HAO1: variants seen among roughly 807,000 people sequenced by gnomAD.
HAO1 encodes the protein hydroxyacid oxidase 1, also known as 2-Hydroxyacid oxidase 1.
A neutral mutation model predicts 39.7 loss-of-function variants in HAO1; 34 were observed. The ratio of observed to expected loss-of-function variants is 0.86; its 90% CI spans 0.65 to 1.14. HAO1 has a LOEUF of 1.14. Among genes scored for constraint, HAO1 ranks in the 50% most tolerant of loss-of-function variants. The pLI, the probability that HAO1 is intolerant of heterozygous loss-of-function variation, is 0.00. For missense variants in HAO1, 479 were observed against 464.5 expected, an observed-to-expected ratio of 1.03 and a Z score of -0.29; for synonymous variants, 172 against 173.2, an observed-to-expected ratio of 0.99 and a Z score of 0.05.
At position 7,914,433 on chromosome 20, in the gene HAO1, G is replaced by A; in HGVS notation, c.290-14C>T. 2 of 1,611,218 alleles carry A rather than the reference G, an allele frequency of 1.2e-6. No homozygotes were observed. Among genetic ancestry groups the A allele is most frequent in the South Asian group, 1.1e-5 (1 of 90,986 alleles). On this transcript the variant is annotated splice_polypyrimidine_tract_variant and intron_variant, in intron 2 of 7. Transcript: ENST00000378789. ...GGGACTGACAGGCTGAGAAAGAAAG[G>A]GGATGATCAAGATGGGCCTGGCATT... is the stretch of plus-strand genomic sequence containing the variant.
chr20:7,889,887 A>G (rs2050166064), intron 5 of HAO1, among the ~76,000 whole-genome samples: 2 of 152,154 alleles, frequency 1.3e-5, no homozygotes, highest in African/African-American at 4.8e-5. Flanking sequence ...GAAAGGTGAG[A>G]CAAGACTCCC....
intron 3 of HAO1, among the ~76,000 whole-genome samples, chr20:7,906,684 T>G (rs2050249877): frequency 6.6e-6 from 1 of 152,212 alleles, no homozygotes; most frequent in Non-Finnish European, 1.5e-5. Flanking sequence ...CAATGCAAAT[T>G]AATCACAATT....
rs370135882 is a variant in HAO1, at chr20:7,885,335, A to C, written c.1042+186T>G. The C allele has an allele frequency of 1.2e-5, 7 of 597,068 alleles. No individual in the cohort carries two copies. In the East Asian group the frequency reaches 1.4e-4, roughly 12 times the overall value. 37.0% of individuals were successfully genotyped at this position (597,068 alleles called of 1,614,324 possible). On this transcript the variant is annotated intron_variant, in intron 7 of 7. Coordinates refer to ENST00000378789, the MANE Select transcript of HAO1 (RefSeq NM_017545.3). The stretch of plus-strand genomic sequence containing the variant: ...TTCCTAATAAAGCTGTGAAAAACAG[A>C]GGTTAAGTAATTACTAGAGACTGCA...
intron 3 of HAO1, among the ~76,000 whole-genome samples, chr20:7,912,901 T>C (rs2050286857): frequency 6.6e-6 from 1 of 152,158 alleles, no homozygotes. Flanking sequence ...AATTCACACA[T>C]GGCTCAACAG....
At position 7,907,168 on chromosome 20, in the gene HAO1, G is replaced by A. The variant is rs145847834; in HGVS notation, c.546-839C>T. ...TTGCCTTTCCCTCCCCCTTTTAGTT[G>A]TTCTCTCTGAACTTCTCGGTCTGCT... On this transcript the variant is annotated intron_variant, in intron 3 of 7. Transcript: ENST00000378789. Among the ~76,000 whole-genome samples the A allele has an allele frequency of 2.3e-4, 35 of 152,190 alleles. No individual in the cohort carries two copies. In the East Asian group the frequency reaches 4.3e-3, roughly 19 times the overall value.
In HAO1 at chr20:7,914,194, C is replaced by T. The variant is rs573966082; in HGVS notation, c.515G>A (p.Arg172His). The change falls in exon 3 of 8, where the codon CGT (arginine) becomes CAT (histidine). Residue 172 changes from arginine to histidine, a missense_variant. By Grantham distance (29) the Arg-to-His change is conservative. Coordinates refer to ENST00000378789, the MANE Select transcript of HAO1 (RefSeq NM_017545.3). ...PYLGNRLDDV[R>H]NRFKLPPQLR... ...TTGTGGCGGCAGTTTGAATCTGTTA[C>T]GCACATCATCCAGACGGTTGCCCAG... 121 of 1,614,022 alleles carry T rather than the reference C, an allele frequency of 7.5e-5. No individual in the cohort carries two copies. The highest frequency in any genetic ancestry group is 6.7e-4 in the East Asian group (30 of 44,842).
intron 4 of HAO1, among the ~76,000 whole-genome samples, chr20:7,898,859 T>C (rs183132526): frequency 3.2e-3 from 485 of 152,154 alleles, no homozygotes; most frequent in Non-Finnish European, 6.0e-3. Context: ...AATAACCTTA[T>C]TAAACAGTAT....
chr20:7,904,278 A>G (rs1013174891), intron 4 of HAO1, among the ~76,000 whole-genome samples: 4 of 152,174 alleles, frequency 2.6e-5, no homozygotes, highest in Admixed American at 6.5e-5. Context: ...CTGGGCAACA[A>G]CATTTCCTAA....
rs78873608 is a variant in HAO1, at chr20:7,885,399, G to A, written c.1042+122C>T. On this transcript the variant is annotated intron_variant, in intron 7 of 7. Coordinates refer to ENST00000378789, the MANE Select transcript of HAO1 (RefSeq NM_017545.3). ...TCAAAGCTGTAAATATGGAGTCAAC[G>A]TCAAATTTAATGTACTCAAATGATC... is the stretch of plus-strand genomic sequence containing the variant. 5,503 of 685,940 alleles carry A rather than the reference G, an allele frequency of 8.0e-3. 203 individuals are homozygous for A. Among genetic ancestry groups the A allele is most frequent in the African/African-American group, 0.079 (4,363 of 55,300 alleles). 42.5% of individuals were successfully genotyped at this position (685,940 alleles called of 1,614,324 possible). A position where few individuals can be genotyped will look rare whatever the true frequency, so the allele number is the denominator to read the frequency against.
intron 1 of HAO1, among the ~76,000 whole-genome samples, 158 bp downstream of exon 1, chr20:7,940,128 G>T (rs2050433926): frequency 6.6e-6 from 1 of 152,116 alleles, no homozygotes; most frequent in Non-Finnish European, 1.5e-5. Context: ...ACAATTTAAA[G>T]GCCCAAGATT....
intron 5 of HAO1, 131 bp from the exon 6 acceptor site, chr20:7,885,995 G>A: frequency 1.5e-6 from 1 of 651,556 alleles, no homozygotes; most frequent in Non-Finnish European, 2.6e-6. Context: ...GGGGTAAATG[G>A]TAAAATTATT....
intron 2 of HAO1, among the ~76,000 whole-genome samples, chr20:7,920,603 G>A (rs1464490090): frequency 2.0e-5 from 3 of 151,960 alleles, no homozygotes; most frequent in Non-Finnish European, 4.4e-5. Flanking sequence ...CCCAGCCTCT[G>A]GTAGCCACCT....
At chr20:7,928,996 C>G (rs1018391773) in intron 2 of HAO1, among the ~76,000 whole-genome samples, 1 of 152,096 alleles carries the variant, frequency 6.6e-6, no homozygotes, top group Non-Finnish European at 1.5e-5. Context: ...TGTGGCTGCC[C>G]CCTTCTGATG....
At chr20:7,905,097 C>T (rs2050241236) in intron 4 of HAO1, among the ~76,000 whole-genome samples, 1 of 152,166 alleles carries the variant, frequency 6.6e-6, no homozygotes, top group African/African-American at 2.4e-5. Flanking sequence ...ATGATTACTA[C>T]ACATTGTAGG....
chr20:7,932,371 T>G (rs2050389794), intron 2 of HAO1, among the ~76,000 whole-genome samples: 1 of 152,232 alleles, frequency 6.6e-6, no homozygotes, highest in Non-Finnish European at 1.5e-5. Context: ...GAGCTCTGCT[T>G]TTTGCTTTCT....
At chr20:7,938,107 C>T (rs1441603009) in intron 1 of HAO1, among the ~76,000 whole-genome samples, 4 of 152,116 alleles carry the variant, frequency 2.6e-5, no homozygotes, top group African/African-American at 9.7e-5. Flanking sequence ...AATGGGTTAT[C>T]TGAGGTTTGA....
At chr20:7,896,900 C>G (rs2050200385) in intron 4 of HAO1, among the ~76,000 whole-genome samples, 1 of 152,146 alleles carries the variant, frequency 6.6e-6, no homozygotes, top group East Asian at 1.9e-4. Flanking sequence ...ATAATGTCTG[C>G]CTTCAGCTTT....
chr20:7,888,415 C>T (rs747634324), intron 5 of HAO1, among the ~76,000 whole-genome samples: 1 of 152,054 alleles, frequency 6.6e-6, no homozygotes, highest in African/African-American at 2.4e-5. Context: ...CCTATTGCAT[C>T]GGTTGTTATA....
chr20:7,917,308 C>T (rs1387208745), intron 2 of HAO1, among the ~76,000 whole-genome samples: 1 of 148,336 alleles, frequency 6.7e-6, no homozygotes, highest in Non-Finnish European at 1.5e-5. Context: ...CCACTGTACT[C>T]CAGCCTGGAT....
Sources: gnomAD v4.1 joint callset for allele counts (sites outside exome capture counted in the v4.1 genomes callset) on GRCh38, gnomAD v4.1.1 for gene constraint, MANE v1.5 for transcripts, NCBI Gene and HGNC (gene_info 2026-07-23, HGNC 2026-07-21) for gene names.